The following CROCC2 variants were observed in gnomAD, a reference collection of about 807,000 sequenced individuals.
CROCC2 encodes the protein ciliary rootlet coiled-coil protein 2.
In CROCC2, 163 loss-of-function variants were observed where a neutral mutation model predicts 177.6. The ratio of observed to expected loss-of-function variants is 0.92; its 90% confidence interval spans 0.81 to 1.05. CROCC2 has a LOEUF of 1.05. Among genes scored for constraint, CROCC2 ranks in the 50% least tolerant of loss-of-function variants. The probability of loss-of-function intolerance (pLI) is 0.00; values close to 1 mark genes in which losing one functional copy is unlikely to be tolerated. For missense variants in CROCC2, 1,929 were observed against 1,797.8 expected (o/e 1.07, Z -1.32); for synonymous variants, 904 against 787.3 (o/e 1.15, Z -2.48).
At chr2:240,984,525 C>G (rs186472684) in intron 28 of CROCC2, among the ~76,000 whole-genome samples, 1 of 151,268 alleles carries the variant, frequency 6.6e-6, no homozygotes, top group East Asian at 2.0e-4. Context: ...CCTCTGTGAG[C>G]ATTCCACACA....
At chr2:240,922,822 T>C (rs560013367) in intron 4 of CROCC2, among the ~76,000 whole-genome samples, 177 bp downstream of exon 4, 1 of 152,018 alleles carries the variant, frequency 6.6e-6, no homozygotes, top group African/African-American at 2.4e-5. Flanking sequence ...GGCAGGGGGC[T>C]GGAGAAGGCA....
chr2:240,969,241 G>A (rs1345206519), intron 27 of CROCC2, among the ~76,000 whole-genome samples: 11 of 152,242 alleles, frequency 7.2e-5, no homozygotes, highest in African/African-American at 9.6e-5. Flanking sequence ...AAGGGCAGCC[G>A]GCCAGGCCTG....
Position 240,949,165 on chromosome 2 carries a change from C to G in CROCC2, c.2482+68C>G. ...CCATGGAGGGGCCCCTGGAATGGAG[C>G]TCAGTGCCCACACGTGCTGCACCCC... On this transcript the variant is annotated intron_variant, in intron 16 of 31. Transcript: ENST00000690015. This position sits in a 1 kb window ranked among gnomAD's most constrained non-coding sequence, Gnocchi z 4.5. 1 of 1,467,592 alleles carries G rather than the reference C, an allele frequency of 6.8e-7. No homozygotes were observed. The allele number at this position is 1,467,592 out of a possible 1,614,324, so 90.9% of individuals were successfully genotyped here.
At chr2:240,955,720 T>C in intron 18 of CROCC2, 139 bp from the exon 19 acceptor site, 1 of 616,640 alleles carries the variant, frequency 1.6e-6, no homozygotes, top group Non-Finnish European at 2.9e-6. Context: ...GGCAGGGATG[T>C]GCAGACAGGA....
intron 1 of CROCC2, among the ~76,000 whole-genome samples, chr2:240,914,474 AC>A (rs1559587676): frequency 6.6e-6 from 1 of 152,056 alleles, no homozygotes; most frequent in African/African-American, 2.4e-5. Context: ...TGCCGTCCAA[AC>A]CCCCAGCCCC....
At chr2:240,914,313 G>A (rs572866874) in intron 1 of CROCC2, among the ~76,000 whole-genome samples, 4 of 152,356 alleles carry the variant, frequency 2.6e-5, no homozygotes, top group African/African-American at 7.2e-5. Flanking sequence ...CCATTAAGGC[G>A]GAGGCCAGAA....
At position 240,951,111 on chromosome 2, in the gene CROCC2, CCATCCATCCTCCCATCCACCTGTT is replaced by C. The variant is rs1433935993; in HGVS notation, c.2829+611_2829+634del. 2.6e-5 allele frequency among the ~76,000 whole-genome samples: 4 copies of C among 152,152 alleles called. No homozygotes were observed. In the East Asian group the frequency reaches 5.8e-4, roughly 22 times the overall value. On this transcript the variant is annotated intron_variant, in intron 18 of 31. Transcript: ENST00000690015. The stretch of plus-strand genomic sequence containing the variant: ...TCCATCCACCCATCCACCTGTTCAT[CCATCCATCCTCCCATCCACCTGTT>C]CATCCATCCATCCATACACTCATCC...
At chr2:240,934,151 C>T (rs541527870) in intron 11 of CROCC2, among the ~76,000 whole-genome samples, 180 bp from the exon 12 acceptor site, 1 of 152,034 alleles carries the variant, frequency 6.6e-6, no homozygotes, top group African/African-American at 2.4e-5. Flanking sequence ...GCCTCCCCTG[C>T]CCCGGAAATG....
At chr2:240,957,899 T>A (rs2059603684) in intron 19 of CROCC2, 1 of 850,608 alleles carries the variant, frequency 1.2e-6, no homozygotes, top group Admixed American at 6.2e-5. Context: ...CTCCACCCCG[T>A]GGGCAGGGAC....
In CROCC2 at chr2:240,972,992, C is replaced by A. The variant is rs771521104; in HGVS notation, c.4401+4730C>A. On this transcript the variant is annotated intron_variant, in intron 27 of 31. Coordinates refer to ENST00000690015, the MANE Select transcript of CROCC2 (RefSeq NM_001351305.2). This position sits in a 1 kb window ranked among gnomAD's most constrained non-coding sequence, Gnocchi z 7.1. ...TAGCCATGCTCCCTGCTGCCCCATG[C>A]CCCTTGCTGAGCAGGGGGGTGCTAG... 3.3e-5 allele frequency among the ~76,000 whole-genome samples: 5 copies of A among 152,098 alleles called. No individual in the cohort carries two copies. The highest frequency in any genetic ancestry group is 6.5e-5 in the Admixed American group (1 of 15,278).
At chr2:240,963,338 T>C in intron 20 of CROCC2, 1 of 545,868 alleles carries the variant, frequency 1.8e-6, no homozygotes, top group Non-Finnish European at 3.2e-6. Flanking sequence ...TGGGGTCTTC[T>C]GGGCTCTTAG....
At chr2:240,920,222 C>T (rs972808214) in intron 3 of CROCC2, 88 bp downstream of exon 3, 8 of 588,688 alleles carry the variant, frequency 1.4e-5, no homozygotes, top group African/African-American at 1.1e-4. Context: ...CAGTCAGAGC[C>T]TGGGACCATC....
chr2:240,949,549 A>T lies in CROCC2; in HGVS notation c.2499A>T (p.Leu833=). Residue 833 remains leucine (L), a synonymous_variant, in exon 17 of 32, where the codon CTA becomes CTT. Coordinates refer to ENST00000690015, the MANE Select transcript of CROCC2 (RefSeq NM_001351305.2). The surrounding 1 kb of genome is among the most constrained non-coding windows in gnomAD (Gnocchi z 4.5). The part of the protein sequence containing the change: ...RQALQVEMEQ[L]QSDWEVQEMK... ...ACCCCACAGTGGAAATGGAGCAGCT[A>T]CAAAGTGACTGGGAGGTCCAGGAAA... The T allele has an allele frequency of 2.6e-6, 4 of 1,550,488 alleles. No homozygotes were observed. Among genetic ancestry groups the T allele is most frequent in the Non-Finnish European group, 3.5e-6 (4 of 1,146,890 alleles).
At chr2:240,951,120 C>T (rs1445427275) in intron 18 of CROCC2, among the ~76,000 whole-genome samples, 3 of 151,966 alleles carry the variant, frequency 2.0e-5, no homozygotes, top group Non-Finnish European at 2.9e-5. Context: ...TCCATCCATC[C>T]TCCCATCCAC....
chr2:240,988,150 C>T (rs1331977517), intron 28 of CROCC2, among the ~76,000 whole-genome samples: 1 of 152,214 alleles, frequency 6.6e-6, no homozygotes, highest in African/African-American at 2.4e-5. Context: ...GAGCTTATCC[C>T]TCCTGACCTG....
intron 28 of CROCC2, among the ~76,000 whole-genome samples, chr2:240,987,588 G>A (rs7425888): frequency 0.12 from 17,615 of 152,214 alleles, 1,053 homozygotes; most frequent in South Asian, 0.19. Flanking sequence ...CTGTCTTAGG[G>A]CCCGAAACCA....
chr2:240,962,630 C>G (rs984755697), intron 20 of CROCC2, among the ~76,000 whole-genome samples: 15 of 152,226 alleles, frequency 9.9e-5, no homozygotes, highest in Non-Finnish European at 1.9e-4. Context: ...TTTTGTCAAG[C>G]CAGCGACTTG....
rs922167568 is a variant in CROCC2, at chr2:240,949,703, G to T, written c.2652+1G>T. The T allele has an allele frequency of 6.5e-7, 1 of 1,537,012 alleles. No homozygotes were observed. Among genetic ancestry groups the T allele is most frequent in the Non-Finnish European group, 8.8e-7 (1 of 1,138,262 alleles). ...CCTGGCACAGCTCCAAAGGGAGAAG[G>T]TCTGCTTCCCAGGAGCCCACCAGTA... On this transcript the variant is annotated splice_donor_variant, in intron 17 of 31. Coordinates refer to ENST00000690015, the MANE Select transcript of CROCC2 (RefSeq NM_001351305.2). LOFTEE classifies it high-confidence loss of function. The surrounding 1 kb of genome is among the most constrained non-coding windows in gnomAD (Gnocchi z 4.5).
intron 20 of CROCC2, chr2:240,963,333 T>G: frequency 1.7e-5 from 9 of 514,660 alleles, no homozygotes; most frequent in South Asian, 3.7e-5. Flanking sequence ...CAAGGTGGGG[T>G]CTTCTGGGCT....
Sources: allele counts gnomAD v4.1 joint callset (sites outside exome capture counted in the v4.1 genomes callset), GRCh38; gene constraint gnomAD v4.1.1; non-coding constraint Gnocchi (gnomAD v3.1); transcripts MANE v1.5; gene names NCBI Gene and HGNC (gene_info 2026-07-23, HGNC 2026-07-21).